Variants in ARHGEF10L observed in about 807,000 individuals in gnomAD.
ARHGEF10L encodes the protein rho guanine nucleotide exchange factor 10-like protein.
In ARHGEF10L, 69 loss-of-function variants were observed where a neutral mutation model predicts 141.2. The ratio of observed to expected loss-of-function variants is 0.49; its 90% confidence interval spans 0.40 to 0.60. The LOEUF (loss-of-function observed/expected upper bound fraction) is 0.60. Ranked by LOEUF, ARHGEF10L falls within the 20% of genes least tolerant of loss-of-function variation. The pLI is 0.00. For synonymous variants in ARHGEF10L, 711 were observed against 718.5 expected, an observed-to-expected ratio of 0.99 and a Z score of 0.17; for missense variants, 1,482 against 1,734.3, an observed-to-expected ratio of 0.85 and a Z score of 2.58.
In ARHGEF10L at chr1:17,634,573, C is replaced by G; in HGVS notation, c.1745+11C>G. On this transcript the variant is annotated intron_variant, in intron 17 of 28. Transcript: ENST00000361221. ...GCCTGCCAACCACAGGTACGTGGTT[C>G]AGGGGGCTCCGGGGCTCTGGGGCTC... 1 of 1,613,734 alleles carries G rather than the reference C, an allele frequency of 6.2e-7. No homozygotes were observed. Among genetic ancestry groups the G allele is most frequent in the Non-Finnish European group, 8.5e-7 (1 of 1,179,784 alleles).
chr1:17,643,398 C>T (rs1436442797), intron 21 of ARHGEF10L, among the ~76,000 whole-genome samples: 1 of 152,130 alleles, frequency 6.6e-6, no homozygotes, highest in Non-Finnish European at 1.5e-5. Context: ...AATCTGGGGA[C>T]CCCGTTCAAA....
chr1:17,561,200 G>A (rs181936273), intron 1 of ARHGEF10L, among the ~76,000 whole-genome samples: 5 of 152,344 alleles, frequency 3.3e-5, no homozygotes, highest in Admixed American at 3.3e-4. Context: ...TCAGATGACT[G>A]TCTTCTAAGT....
chr1:17,590,684 G>GA (rs2100712641), intron 4 of ARHGEF10L, among the ~76,000 whole-genome samples: 2 of 152,260 alleles, frequency 1.3e-5, no homozygotes, highest in African/African-American at 4.8e-5. Flanking sequence ...TGGAAGCAAG[G>GA]AGAAAGCAAA....
intron 15 of ARHGEF10L, among the ~76,000 whole-genome samples, chr1:17,631,252 A>G (rs2060671972): frequency 6.6e-6 from 1 of 152,092 alleles, no homozygotes; most frequent in Non-Finnish European, 1.5e-5. Flanking sequence ...AATTTTGCTG[A>G]ATATCCTCCC....
At position 17,625,967 on chromosome 1, in the gene ARHGEF10L, G is replaced by A; in HGVS notation, c.1329G>A (p.Val443=). ...CTTGTCTCCACCAGCGACGGCAGGT[G>A]TGCAGCCCAGACCGTGTCACCCTCT... is the stretch of plus-strand genomic sequence containing the variant. The part of the protein sequence containing the change: ...AFLEFLKRRQ[V]CSPDRVTLYG... The change falls in exon 14 of 29, where the codon GTG becomes GTA. Residue 443 remains valine, a synonymous_variant. Coordinates refer to ENST00000361221, the MANE Select transcript of ARHGEF10L (RefSeq NM_018125.4). This position sits in a 1 kb window ranked among gnomAD's most constrained non-coding sequence, Gnocchi z 4.5. The A allele has an allele frequency of 1.9e-6, 3 of 1,613,896 alleles. No homozygotes were observed. The highest frequency in any genetic ancestry group is 2.5e-6 in the Non-Finnish European group (3 of 1,179,856).
At chr1:17,649,200 A>T (rs919267860) in intron 22 of ARHGEF10L, among the ~76,000 whole-genome samples, 3 of 152,258 alleles carry the variant, frequency 2.0e-5, no homozygotes, top group African/African-American at 7.2e-5. Context: ...AGATAAGGAA[A>T]CTAAGGCTAA....
intron 26 of ARHGEF10L, among the ~76,000 whole-genome samples, chr1:17,686,055 G>A (rs948097350): frequency 6.6e-6 from 1 of 151,000 alleles, no homozygotes. Context: ...CCAGCTTTTG[G>A]TGTGTTTGTT....
At chr1:17,676,442 G>A (rs1457414225) in intron 26 of ARHGEF10L, among the ~76,000 whole-genome samples, 4 of 149,676 alleles carry the variant, frequency 2.7e-5, no homozygotes, top group Non-Finnish European at 6.0e-5. Context: ...GTGCAGGTGT[G>A]GGTGCAGGTG....
At chr1:17,549,171 T>C (rs1435713521) in intron 1 of ARHGEF10L, among the ~76,000 whole-genome samples, 2 of 151,278 alleles carry the variant, frequency 1.3e-5, no homozygotes, top group Non-Finnish European at 2.9e-5. Flanking sequence ...TACAGGCGCC[T>C]GCCACTATAC....
intron 26 of ARHGEF10L, among the ~76,000 whole-genome samples, chr1:17,666,846 C>T (rs1018411187): frequency 2.7e-4 from 38 of 141,668 alleles, no homozygotes; most frequent in Non-Finnish European, 4.9e-4. Context: ...TGGGGGCTTC[C>T]CTGCTATCAC....
Position 17,639,609 on chromosome 1 carries a change from A to C in ARHGEF10L, c.2172-593A>C, listed in dbSNP as rs573903970. The C allele has an allele frequency of 2.8e-6, 1 of 352,834 alleles. No individual in the cohort carries two copies. The highest frequency in any genetic ancestry group is 2.1e-5 in the African/African-American group (1 of 46,594). The allele number at this position is 352,834 out of a possible 1,614,324, so 21.9% of individuals were successfully genotyped here. A position where few individuals can be genotyped will look rare whatever the true frequency, so the allele number is the denominator to read the frequency against. On this transcript the variant is annotated intron_variant, in intron 20 of 28. Transcript: ENST00000361221. This position sits in a 1 kb window ranked among gnomAD's most constrained non-coding sequence, Gnocchi z 4.3. ...CACGTGCACCCTAGAGGCTTGTGAC[A>C]CTGCCCTGCCCACCTCCCAAAGGGC...
chr1:17,586,945 C>T (rs1375556600), intron 2 of ARHGEF10L, among the ~76,000 whole-genome samples: 1 of 152,148 alleles, frequency 6.6e-6, no homozygotes, highest in African/African-American at 2.4e-5. Context: ...AGTCTGTGCC[C>T]TAGTACCTGC....
intron 25 of ARHGEF10L, among the ~76,000 whole-genome samples, chr1:17,659,921 G>A (rs2062507854): frequency 6.6e-6 from 1 of 152,254 alleles, no homozygotes; most frequent in Non-Finnish European, 1.5e-5. Flanking sequence ...GAATGGACTG[G>A]CAGAGCTGGA....
intron 21 of ARHGEF10L, among the ~76,000 whole-genome samples, chr1:17,645,967 TG>T (rs778775300): frequency 2.0e-5 from 3 of 152,202 alleles, no homozygotes; most frequent in Non-Finnish European, 4.4e-5. Context: ...GGGTCTCTTA[TG>T]TAGGCCTTTC....
rs954068099 is a variant in ARHGEF10L, at chr1:17,623,387, T to C, written c.1200+212T>C. 3.9e-5 allele frequency among the ~76,000 whole-genome samples: 6 copies of C among 152,092 alleles called. No individual in the cohort carries two copies. Among genetic ancestry groups the C allele is most frequent in the Non-Finnish European group, 8.8e-5 (6 of 67,998 alleles). Reference sequence around the variant, plus strand: ...GTCCTTGGATATACCTGGCAGGCCATGGTGCTGATGAAGCCAGGTGGCTGT... The same window carrying C: ...GTCCTTGGATATACCTGGCAGGCCACGGTGCTGATGAAGCCAGGTGGCTGT... On this transcript the variant is annotated intron_variant, in intron 12 of 28. Transcript: ENST00000361221. This position sits in a 1 kb window ranked among gnomAD's most constrained non-coding sequence, Gnocchi z 4.7.
intron 8 of ARHGEF10L, among the ~76,000 whole-genome samples, chr1:17,614,555 C>G (rs2059705538): frequency 6.6e-6 from 1 of 152,196 alleles, no homozygotes; most frequent in South Asian, 2.1e-4. Context: ...AGGACAGGAA[C>G]TGGATTCTGG....
At chr1:17,672,293 C>A (rs1008888830) in intron 26 of ARHGEF10L, among the ~76,000 whole-genome samples, 2 of 149,030 alleles carry the variant, frequency 1.3e-5, no homozygotes, top group Non-Finnish European at 3.0e-5. Flanking sequence ...GAGTGTGATG[C>A]GGCATGAATA....
intron 19 of ARHGEF10L, among the ~76,000 whole-genome samples, chr1:17,638,302 A>G (rs534433991): frequency 2.0e-4 from 30 of 151,996 alleles, no homozygotes; most frequent in Non-Finnish European, 3.5e-4. Flanking sequence ...CTGGGCCTCT[A>G]CCCAGTGTGG....
intron 27 of ARHGEF10L, among the ~76,000 whole-genome samples, chr1:17,691,733 T>C (rs1025265564): frequency 2.6e-5 from 4 of 151,884 alleles, no homozygotes; most frequent in African/African-American, 9.7e-5. Context: ...ATATATTTAA[T>C]ATTTCTAATA....
Sources: allele counts gnomAD v4.1 joint callset (sites outside exome capture counted in the v4.1 genomes callset), GRCh38; gene constraint gnomAD v4.1.1; non-coding constraint Gnocchi (gnomAD v3.1); transcripts MANE v1.5; gene names NCBI Gene and HGNC (gene_info 2026-07-23, HGNC 2026-07-21).